Variants in PDE10A observed in about 807,000 individuals in gnomAD.
PDE10A encodes cAMP and cAMP-inhibited cGMP 3',5'-cyclic phosphodiesterase 10A.
In PDE10A, 39 loss-of-function variants were observed where a neutral mutation model predicts 97.7. The observed-to-expected ratio is 0.40, with a 90% CI of 0.31 to 0.52. The LOEUF is 0.52. Ranked by LOEUF, PDE10A falls within the 20% of genes least tolerant of loss-of-function variation. The pLI, the probability that PDE10A is intolerant of heterozygous loss-of-function variation, is 0.56. For missense variants in PDE10A, 731 were observed against 1,047.8 expected, an observed-to-expected ratio of 0.70 and a Z score of 4.17; for synonymous variants, 371 against 376.8, an observed-to-expected ratio of 0.98 and a Z score of 0.18.
chr6:165,847,743 G>A (rs1397116080), intron 1 of PDE10A, among the ~76,000 whole-genome samples: 1 of 152,202 alleles, frequency 6.6e-6, no homozygotes, highest in East Asian at 1.9e-4. Flanking sequence ...TTTGTTTTTG[G>A]CAACAGTTAA....
chr6:165,949,321 CTT>C (rs1473036484), intron 1 of PDE10A: 2 of 152,256 alleles, frequency 1.3e-5, no homozygotes, highest in African/African-American at 4.8e-5. Context: ...CTTCGACTCT[CTT>C]GAGTCTTAGT....
intron 18 of PDE10A, among the ~76,000 whole-genome samples, chr6:165,344,433 G>C (rs1327494513): frequency 6.6e-6 from 1 of 152,198 alleles, no homozygotes. Context: ...GTGAGACGAT[G>C]CTCTTACTTC....
At chr6:165,953,674 C>T (rs773564255) in intron 1 of PDE10A, among the ~76,000 whole-genome samples, 7 of 152,192 alleles carry the variant, frequency 4.6e-5, no homozygotes, top group Non-Finnish European at 8.8e-5. Context: ...GTCCTCCCGT[C>T]CCCGGCATCC....
chr6:165,354,194 A>C (rs1412822950), intron 18 of PDE10A, among the ~76,000 whole-genome samples: 1 of 152,218 alleles, frequency 6.6e-6, no homozygotes, highest in Non-Finnish European at 1.5e-5. Flanking sequence ...AGGAAAGGTA[A>C]ATTGTATAGT....
chr6:165,866,414 A>ATTTTTTTTTTTTTTTTTTTTTTTT, intron 1 of PDE10A, among the ~76,000 whole-genome samples: 1 of 151,148 alleles, frequency 6.6e-6, no homozygotes, highest in East Asian at 2.0e-4. Context: ...TCAGTAATGA[A>ATTTTTTTTTTTTTTTTTTTTTTTT]TTTCTGTTAA....
chr6:165,767,813 C>G (rs913599005), intron 1 of PDE10A, among the ~76,000 whole-genome samples: 1 of 152,172 alleles, frequency 6.6e-6, no homozygotes, highest in African/African-American at 2.4e-5. Context: ...CTGGGTCATT[C>G]ACTCTCTCTA....
intron 8 of PDE10A, 95 bp downstream of exon 8, chr6:165,431,327 T>C (rs1166782440): frequency 3.1e-6 from 2 of 652,944 alleles, no homozygotes; most frequent in East Asian, 2.9e-5. Context: ...AAATAAGGCA[T>C]TGGGTGACTT....
intron 1 of PDE10A, among the ~76,000 whole-genome samples, chr6:165,762,824 C>G (rs1389304912): frequency 1.3e-5 from 2 of 152,078 alleles, no homozygotes; most frequent in African/African-American, 4.8e-5. Context: ...CAGTTCTACC[C>G]AAACACCAGG....
chr6:165,539,328 T>C (rs1783282252), intron 2 of PDE10A, among the ~76,000 whole-genome samples: 3 of 152,218 alleles, frequency 2.0e-5, no homozygotes, highest in Non-Finnish European at 4.4e-5. Flanking sequence ...CTCTGGAATT[T>C]AGATCTTTGA....
intron 1 of PDE10A, among the ~76,000 whole-genome samples, chr6:165,814,981 A>T (rs1286783695): frequency 2.0e-5 from 3 of 151,944 alleles, no homozygotes; most frequent in Non-Finnish European, 4.4e-5. Context: ...ATGAAAGTGG[A>T]CTCTCTACGT....
chr6:165,576,430 TC>T (rs1785309519), intron 1 of PDE10A: 4 of 780,802 alleles, frequency 5.1e-6, no homozygotes, highest in African/African-American at 3.4e-5. Flanking sequence ...TGTTGGGATT[TC>T]CTCTCTTCTA....
intron 3 of PDE10A, among the ~76,000 whole-genome samples, chr6:165,461,368 C>T (rs1310568349): frequency 6.6e-6 from 1 of 152,060 alleles, no homozygotes; most frequent in Admixed American, 6.6e-5. Context: ...GCCTGCTAAG[C>T]GTTTTCATTG....
chr6:165,450,697 A>T (rs954489458), intron 3 of PDE10A, among the ~76,000 whole-genome samples: 14 of 151,938 alleles, frequency 9.2e-5, no homozygotes, highest in African/African-American at 3.4e-4. Context: ...CTGAGACTAC[A>T]GGCACACACC....
At chr6:165,411,485 C>T (rs984965040) in intron 13 of PDE10A, among the ~76,000 whole-genome samples, 1 of 152,152 alleles carries the variant, frequency 6.6e-6, no homozygotes, top group East Asian at 1.9e-4. Flanking sequence ...ATCTGCAAAC[C>T]AAGGAAAACA....
chr6:165,656,075 G>C (rs1006948158), intron 1 of PDE10A, among the ~76,000 whole-genome samples: 4 of 151,848 alleles, frequency 2.6e-5, no homozygotes, highest in African/African-American at 9.7e-5. Context: ...TGTTTCCCTG[G>C]CTGGTTCTTG....
chr6:165,958,737 A>AAGAG (rs1417335400), intron 1 of PDE10A, among the ~76,000 whole-genome samples: 43 of 27,406 alleles, frequency 1.6e-3, no homozygotes, highest in South Asian at 6.5e-3. Flanking sequence ...GAAAGAAAGA[A>AAGAG]AGAAAGAAAG....
intron 13 of PDE10A, among the ~76,000 whole-genome samples, chr6:165,403,600 G>C (rs34267806): frequency 6.6e-6 from 1 of 151,884 alleles, no homozygotes; most frequent in Non-Finnish European, 1.5e-5. Flanking sequence ...ATTTAAAATC[G>C]AATTGACAAA....
chr6:165,715,883 T>A (rs1792014516), intron 1 of PDE10A, among the ~76,000 whole-genome samples: 1 of 152,228 alleles, frequency 6.6e-6, no homozygotes, highest in Non-Finnish European at 1.5e-5. Flanking sequence ...TACTTTCTCC[T>A]CAGCTTTATT....
intron 1 of PDE10A, among the ~76,000 whole-genome samples, chr6:165,618,789 A>T (rs150350593): frequency 6.6e-6 from 1 of 152,192 alleles, no homozygotes; most frequent in East Asian, 1.9e-4. Context: ...GTCGCAACTA[A>T]AACTGTGAAC....
Sources: gnomAD v4.1 joint callset for allele counts (sites outside exome capture counted in the v4.1 genomes callset) on GRCh38, gnomAD v4.1.1 for gene constraint, MANE v1.5 for transcripts, NCBI Gene and HGNC (gene_info 2026-07-23, HGNC 2026-07-21) for gene names.